The following EPHA5 variants were observed in gnomAD, a reference collection of about 807,000 sequenced individuals.
The protein encoded by EPHA5 is EPH receptor A5.
Under a neutral mutation model 105.0 loss-of-function variants are expected in EPHA5, and 60 were observed. The observed-to-expected ratio is 0.57, with a 90% CI of 0.46 to 0.71. The LOEUF is 0.71. Ranked by LOEUF, EPHA5 falls within the 30% of genes least tolerant of loss-of-function variation. EPHA5 has a pLI of 0.00. For synonymous variants in EPHA5, 513 were observed against 449.1 expected (o/e 1.14, Z -1.80); for missense variants, 1,218 against 1,274.7 (o/e 0.96, Z 0.68).
intron 5 of EPHA5, among the ~76,000 whole-genome samples, chr4:65,467,081 G>A (rs1728792277): frequency 1.3e-5 from 2 of 152,246 alleles, no homozygotes; most frequent in Admixed American, 6.5e-5. Context: ...TGGCAATAAA[G>A]CAGAATGAAA....
At chr4:65,561,681 G>T (rs1739030786) in intron 3 of EPHA5, among the ~76,000 whole-genome samples, 1 of 151,986 alleles carries the variant, frequency 6.6e-6, no homozygotes, top group Non-Finnish European at 1.5e-5. Flanking sequence ...TCAATGCCTG[G>T]ACTCATCACC....
intron 8 of EPHA5, among the ~76,000 whole-genome samples, chr4:65,374,551 G>T (rs1405524355): frequency 6.6e-6 from 1 of 151,916 alleles, no homozygotes; most frequent in East Asian, 1.9e-4. Context: ...GAATTGCTGA[G>T]CCAAGAATCT....
At chr4:65,486,963 A>C (rs1314140434) in intron 5 of EPHA5, among the ~76,000 whole-genome samples, 3 of 152,114 alleles carry the variant, frequency 2.0e-5, no homozygotes, top group Non-Finnish European at 2.9e-5. Flanking sequence ...AGTTCTGAAG[A>C]GGTCTGGTTG....
At chr4:65,498,608 A>G (rs1318877982) in intron 3 of EPHA5, among the ~76,000 whole-genome samples, 2 of 151,886 alleles carry the variant, frequency 1.3e-5, no homozygotes, top group African/African-American at 2.4e-5. Flanking sequence ...GGTAAAATCA[A>G]CTAGGTTTCA....
intron 3 of EPHA5, 112 bp downstream of exon 3, chr4:65,601,529 C>A: frequency 1.9e-6 from 2 of 1,057,850 alleles, no homozygotes; most frequent in East Asian, 4.8e-5. Flanking sequence ...GAGAAATAAT[C>A]TCCATAAATT....
At chr4:65,332,871 CT>C (rs1720773184) in intron 15 of EPHA5, among the ~76,000 whole-genome samples, 1 of 151,816 alleles carries the variant, frequency 6.6e-6, no homozygotes, top group Non-Finnish European at 1.5e-5. Flanking sequence ...CCTAGAGGAA[CT>C]TATGCTCATT....
At chr4:65,497,081 G>A (rs553845371) in intron 3 of EPHA5, among the ~76,000 whole-genome samples, 81 of 152,206 alleles carry the variant, frequency 5.3e-4, no homozygotes, top group Non-Finnish European at 1.1e-3. Context: ...CCAAACTGAT[G>A]GTTTGAGTGC....
At chr4:65,618,998 C>T (rs1745480588) in intron 2 of EPHA5, among the ~76,000 whole-genome samples, 2 of 151,890 alleles carry the variant, frequency 1.3e-5, no homozygotes, top group African/African-American at 4.8e-5. Context: ...CTATAGAAAA[C>T]ACAAAAATTA....
chr4:65,613,979 AT>A (rs1040674831), intron 2 of EPHA5, among the ~76,000 whole-genome samples: 2 of 151,918 alleles, frequency 1.3e-5, no homozygotes, highest in African/African-American at 2.4e-5. Flanking sequence ...GCACTTTAAT[AT>A]TTTACTTGAG....
At position 65,377,169 on chromosome 4, in the gene EPHA5, A is replaced by G. The variant is rs1352886808; in HGVS notation, c.1794-9745T>C. 4 of 1,047,988 alleles carry G rather than the reference A, an allele frequency of 3.8e-6. No individual in the cohort carries two copies. The East Asian group carries it at 8.5e-5, about 22-fold the overall frequency. 64.9% of individuals were successfully genotyped at this position (1,047,988 alleles called of 1,614,324 possible). On this transcript the variant is annotated intron_variant, in intron 8 of 16. Transcript: ENST00000613740. ...TCAGGTGTCTGCTTTCCTTTTCAAAATCAAAAACCTCTAAATGCATACAAT... is the reference window on the plus strand; with the variant it reads ...TCAGGTGTCTGCTTTCCTTTTCAAAGTCAAAAACCTCTAAATGCATACAAT...
chr4:65,484,799 CAT>C (rs1352238806), intron 5 of EPHA5, among the ~76,000 whole-genome samples: 3 of 151,914 alleles, frequency 2.0e-5, no homozygotes, highest in East Asian at 1.9e-4. Context: ...TATAGAAAAA[CAT>C]AAATACACAC....
At chr4:65,610,526 A>G (rs572498257) in intron 2 of EPHA5, among the ~76,000 whole-genome samples, 2 of 152,278 alleles carry the variant, frequency 1.3e-5, no homozygotes, top group Admixed American at 1.3e-4. Context: ...AAATAAAAAT[A>G]GAAGAATAAA....
intron 2 of EPHA5, among the ~76,000 whole-genome samples, chr4:65,613,902 A>T (rs901922228): frequency 1.3e-5 from 2 of 152,000 alleles, no homozygotes; most frequent in Non-Finnish European, 2.9e-5. Context: ...GGGATTGACT[A>T]TCTGAAGACA....
At chr4:65,479,635 T>A (rs557432587) in intron 5 of EPHA5, among the ~76,000 whole-genome samples, 1 of 152,168 alleles carries the variant, frequency 6.6e-6, no homozygotes, top group Non-Finnish European at 1.5e-5. Flanking sequence ...GGCTTTACAC[T>A]GAATACAGAA....
At position 65,351,398 on chromosome 4, in the gene EPHA5, G is replaced by A. The variant is rs145959986; in HGVS notation, c.2436C>T (p.Tyr812=). Residue 812 remains tyrosine (Y), a synonymous_variant, in exon 13 of 17, where the codon TAC becomes TAT. Transcript: ENST00000613740. ...CTCTGTTAGATCTTACCCTTGTGGT[G>A]TAGGCTGCCTCGGGATCATCTTCCA... ...RVLEDDPEAA[Y]TTRGGKIPIR... is the part of the protein sequence containing the mutation. The A allele has an allele frequency of 1.3e-5, 21 of 1,613,482 alleles. No individual in the cohort carries two copies. Among genetic ancestry groups the A allele is most frequent in the Non-Finnish European group, 1.8e-5 (21 of 1,179,716 alleles).
intron 14 of EPHA5, among the ~76,000 whole-genome samples, chr4:65,336,786 A>T (rs1469681151): frequency 6.6e-6 from 1 of 152,112 alleles, no homozygotes; most frequent in Non-Finnish European, 1.5e-5. Context: ...CCTAATTGTG[A>T]GGTCATTTTA....
At chr4:65,440,050 C>T (rs1406579097) in intron 5 of EPHA5, among the ~76,000 whole-genome samples, 1 of 151,926 alleles carries the variant, frequency 6.6e-6, no homozygotes, top group Non-Finnish European at 1.5e-5. Context: ...GACACTAATA[C>T]TATGTTTTTA....
chr4:65,403,044 G>A (rs925629284), intron 8 of EPHA5, among the ~76,000 whole-genome samples: 8 of 151,994 alleles, frequency 5.3e-5, no homozygotes, highest in Non-Finnish European at 8.8e-5. Context: ...CTAAAAACGC[G>A]TAAATGCTAA....
At chr4:65,455,902 G>A (rs1026036345) in intron 5 of EPHA5, among the ~76,000 whole-genome samples, 2 of 152,100 alleles carry the variant, frequency 1.3e-5, no homozygotes, top group African/African-American at 2.4e-5. Context: ...CCCATAGTAA[G>A]AACAAAAACT....
Sources: gnomAD v4.1 joint callset for allele counts (sites outside exome capture counted in the v4.1 genomes callset) on GRCh38, gnomAD v4.1.1 for gene constraint, MANE v1.5 for transcripts, NCBI Gene and HGNC (gene_info 2026-07-23, HGNC 2026-07-21) for gene names.